The following STIM1 variants were observed in gnomAD, a reference collection of about 807,000 sequenced individuals.
The protein encoded by STIM1 is stromal interaction molecule 1.
STIM1 carries 25 observed loss-of-function variants against 74.7 expected under a neutral mutation model. The observed-to-expected ratio is 0.33, with a 90% confidence interval of 0.24 to 0.47. STIM1 has a LOEUF of 0.47. STIM1 is among the 20% of genes least tolerant of loss of function. The probability of loss-of-function intolerance (pLI) is 1.00; values close to 1 mark genes in which losing one functional copy is unlikely to be tolerated. For synonymous variants in STIM1, 328 were observed against 348.8 expected (o/e 0.94, Z 0.66); for missense variants, 728 against 920.8 (o/e 0.79, Z 2.71).
At chr11:3,925,081 A>G (rs2092770857) in intron 1 of STIM1, among the ~76,000 whole-genome samples, 1 of 152,232 alleles carries the variant, frequency 6.6e-6, no homozygotes, top group Non-Finnish European at 1.5e-5. Flanking sequence ...GTATTTGCTG[A>G]CAAAGGAATG....
intron 2 of STIM1, among the ~76,000 whole-genome samples, chr11:4,005,071 A>C (rs1335277956): frequency 6.6e-6 from 1 of 152,230 alleles, no homozygotes; most frequent in Non-Finnish European, 1.5e-5. Flanking sequence ...ATCATTAAAA[A>C]GTCAGGAAAC....
At chr11:4,039,523 T>C (rs2094131026) in intron 3 of STIM1, among the ~76,000 whole-genome samples, 2 of 141,462 alleles carry the variant, frequency 1.4e-5, no homozygotes, top group East Asian at 2.3e-4. Flanking sequence ...GAGGCAGAGG[T>C]TGCAGTGAGC....
At chr11:4,025,220 A>T (rs920593171) in intron 3 of STIM1, among the ~76,000 whole-genome samples, 4 of 152,196 alleles carry the variant, frequency 2.6e-5, no homozygotes, top group Non-Finnish European at 5.9e-5. Context: ...AGGCTTATAG[A>T]ATTTGAGATC....
intron 1 of STIM1, among the ~76,000 whole-genome samples, chr11:3,932,013 C>T (rs143467484): frequency 5.3e-5 from 8 of 152,226 alleles, no homozygotes; most frequent in African/African-American, 1.2e-4. Flanking sequence ...CAAGCGGTTG[C>T]GATTTTCCTG....
At chr11:4,017,155 G>A (rs2135986465) in intron 2 of STIM1, among the ~76,000 whole-genome samples, 2 of 152,328 alleles carry the variant, frequency 1.3e-5, no homozygotes, top group African/African-American at 4.8e-5. Context: ...CTTCTGCATT[G>A]ATCTCACTGG....
intron 3 of STIM1, among the ~76,000 whole-genome samples, chr11:4,036,545 A>T (rs777795481): frequency 6.6e-6 from 1 of 152,184 alleles, no homozygotes; most frequent in East Asian, 1.9e-4. Context: ...AGTAATTGCC[A>T]TTCTGACTGG....
intron 2 of STIM1, among the ~76,000 whole-genome samples, chr11:4,010,731 A>G (rs1220013572): frequency 1.3e-5 from 2 of 151,632 alleles, no homozygotes; most frequent in Non-Finnish European, 2.9e-5. Context: ...TTTTTTTATT[A>G]TTATATATTT....
At chr11:3,882,871 A>C (rs2091568840) in intron 1 of STIM1, among the ~76,000 whole-genome samples, 1 of 152,174 alleles carries the variant, frequency 6.6e-6, no homozygotes, top group Non-Finnish European at 1.5e-5. Context: ...CACTGTGGTT[A>C]TGAAATAGTA....
chr11:4,073,688 T>C (rs940235166), intron 6 of STIM1, among the ~76,000 whole-genome samples: 5 of 152,144 alleles, frequency 3.3e-5, no homozygotes, highest in African/African-American at 1.2e-4. Context: ...TTTAGCTGGA[T>C]GGAAGGTTTT....
intron 2 of STIM1, among the ~76,000 whole-genome samples, chr11:3,992,089 GTTTTTTTTTTTT>G (rs75377604): frequency 2.1e-5 from 2 of 95,368 alleles, no homozygotes; most frequent in Non-Finnish European, 3.9e-5. Flanking sequence ...CTGTTTTTTT[GTTTTTTTTTTTT>G]TTTTTTTTTT....
intron 1 of STIM1, among the ~76,000 whole-genome samples, chr11:3,861,390 C>G (rs1040282233): frequency 1.3e-5 from 2 of 152,186 alleles, no homozygotes; most frequent in Admixed American, 6.5e-5. Context: ...TCCGCCACCA[C>G]GCCTGGCTAA....
At chr11:3,865,332 T>C (rs2090812608) in intron 1 of STIM1, among the ~76,000 whole-genome samples, 1 of 152,218 alleles carries the variant, frequency 6.6e-6, no homozygotes. Flanking sequence ...CTCATTCATA[T>C]GTTGTTCTCA....
intron 1 of STIM1, among the ~76,000 whole-genome samples, chr11:3,868,500 G>A (rs974772301): frequency 6.6e-6 from 1 of 152,208 alleles, no homozygotes; most frequent in Non-Finnish European, 1.5e-5. Flanking sequence ...CTTGGTGTGG[G>A]GTGGGGTGGC....
intron 1 of STIM1, among the ~76,000 whole-genome samples, chr11:3,952,044 T>C (rs183830327): frequency 6.6e-6 from 1 of 152,248 alleles, no homozygotes; most frequent in African/African-American, 2.4e-5. Context: ...AGACCAGATA[T>C]TGTGCTGCCC....
At chr11:3,877,445 G>C (rs1485462856) in intron 1 of STIM1, among the ~76,000 whole-genome samples, 2 of 152,100 alleles carry the variant, frequency 1.3e-5, no homozygotes, top group African/African-American at 4.8e-5. Flanking sequence ...TTTCAGTGGA[G>C]ACTCTGGACT....
At chr11:3,956,053 A>G (rs1467388067) in intron 1 of STIM1, among the ~76,000 whole-genome samples, 2 of 151,352 alleles carry the variant, frequency 1.3e-5, no homozygotes, top group African/African-American at 4.8e-5. Flanking sequence ...GTTACTGGAG[A>G]TGAAATCAGA....
At chr11:3,880,277 G>A (rs1223555306) in intron 1 of STIM1, among the ~76,000 whole-genome samples, 2 of 152,190 alleles carry the variant, frequency 1.3e-5, no homozygotes, top group African/African-American at 4.8e-5. Flanking sequence ...TGCCTGAAGG[G>A]CATTAGAAGC....
chr11:4,004,427 C>T (rs1381105493), intron 2 of STIM1, among the ~76,000 whole-genome samples: 158 of 150,910 alleles, frequency 1.0e-3, no homozygotes, highest in Admixed American at 2.7e-3. Flanking sequence ...TCAGAAATAA[C>T]GCCGCATATC....
intron 1 of STIM1, among the ~76,000 whole-genome samples, chr11:3,965,393 A>G (rs1177828756): frequency 2.0e-5 from 3 of 152,252 alleles, no homozygotes; most frequent in Non-Finnish European, 4.4e-5. Context: ...GCCTTCTGAG[A>G]GAAAAATGAG....
Sources: allele counts gnomAD v4.1 joint callset (sites outside exome capture counted in the v4.1 genomes callset), GRCh38; gene constraint gnomAD v4.1.1; transcripts MANE v1.5; gene names NCBI Gene and HGNC (gene_info 2026-07-23, HGNC 2026-07-21).